The following CPPED1 variants were observed in gnomAD, a reference collection of about 807,000 sequenced individuals.
CPPED1 encodes serine/threonine-protein phosphatase CPPED1.
CPPED1 carries 28 observed loss-of-function variants against 28.0 expected under a neutral mutation model. That is an observed-to-expected ratio of 1.00 (90% CI 0.74 to 1.37). The LOEUF (loss-of-function observed/expected upper bound fraction) is 1.37, where lower values mean the gene tolerates loss of function less well. Among genes scored for constraint, CPPED1 ranks in the 40% most tolerant of loss-of-function variants. The pLI is 0.00. For missense variants in CPPED1, 504 were observed against 416.5 expected (o/e 1.21, Z -1.83); for synonymous variants, 198 against 180.2 (o/e 1.10, Z -0.79).
intron 3 of CPPED1, among the ~76,000 whole-genome samples, chr16:12,700,534 G>C (rs1182266946): frequency 6.6e-6 from 1 of 152,190 alleles, no homozygotes; most frequent in Non-Finnish European, 1.5e-5. Flanking sequence ...GGGATTACAG[G>C]TGGGCACCAC....
At chr16:12,743,298 A>T (rs1183344175) in intron 2 of CPPED1, among the ~76,000 whole-genome samples, 1 of 152,192 alleles carries the variant, frequency 6.6e-6, no homozygotes, top group African/African-American at 2.4e-5. Context: ...AAAAAAAATG[A>T]AATAAAATTG....
rs1318626465 is a variant in CPPED1, at chr16:12,670,630, T to C, written c.716-5515A>G. On this transcript the variant is annotated intron_variant, in intron 3 of 3. Coordinates refer to ENST00000381774, the MANE Select transcript of CPPED1 (RefSeq NM_018340.3). The surrounding 1 kb of genome is among the most constrained non-coding windows in gnomAD (Gnocchi z 4.2). ...TAGAAATGGCACTTCACCTCTGTGGTCTTCCTCTCCCAAATCCATCACCCC... is the reference window on the plus strand; with the variant it reads ...TAGAAATGGCACTTCACCTCTGTGGCCTTCCTCTCCCAAATCCATCACCCC... Among the ~76,000 whole-genome samples, 1 of 152,162 alleles carries C rather than the reference T, an allele frequency of 6.6e-6. No individual in the cohort carries two copies. Among genetic ancestry groups the C allele is most frequent in the Non-Finnish European group, 1.5e-5 (1 of 68,028 alleles).
chr16:12,708,087 C>T (rs1038524799), intron 2 of CPPED1, among the ~76,000 whole-genome samples: 5 of 152,110 alleles, frequency 3.3e-5, no homozygotes, highest in African/African-American at 1.2e-4. Flanking sequence ...GCAGAGGTTG[C>T]AGTGAGCTGA....
rs1225211999 is a variant in CPPED1, at chr16:12,720,787, T to C, written c.290-15738A>G. On this transcript the variant is annotated intron_variant, in intron 2 of 3. Transcript: ENST00000381774. The stretch of plus-strand genomic sequence containing the variant: ...GCCATCGTGCCCAGCCCAAACTGTT[T>C]TATTTTATACAAATTCTGTGCAAAG... Among the ~76,000 whole-genome samples, 3 of 152,388 alleles carry C rather than the reference T, an allele frequency of 2.0e-5. No individual in the cohort carries two copies. In the East Asian group the frequency reaches 5.8e-4, roughly 29 times the overall value.
chr16:12,701,092 C>T (rs1026083047), intron 3 of CPPED1, among the ~76,000 whole-genome samples: 2 of 151,334 alleles, frequency 1.3e-5, no homozygotes, highest in East Asian at 2.0e-4. Flanking sequence ...AGCCAGGCAT[C>T]GTGGCACTCC....
chr16:12,785,734 G>A (rs1254996277), intron 1 of CPPED1, among the ~76,000 whole-genome samples: 1 of 151,962 alleles, frequency 6.6e-6, no homozygotes, highest in Non-Finnish European at 1.5e-5. Context: ...ACACTCAGAT[G>A]AAAGTGACCT....
At chr16:12,769,427 G>A (rs2080457573) in intron 2 of CPPED1, among the ~76,000 whole-genome samples, 1 of 152,114 alleles carries the variant, frequency 6.6e-6, no homozygotes, top group Admixed American at 6.6e-5. Context: ...AAGACGCCGA[G>A]ACTTGGAATA....
intron 1 of CPPED1, among the ~76,000 whole-genome samples, chr16:12,782,267 A>T (rs1435947938): frequency 3.3e-5 from 5 of 152,192 alleles, no homozygotes; most frequent in African/African-American, 1.2e-4. Flanking sequence ...TTAAAAAATT[A>T]TTTGGCCACA....
At chr16:12,789,022 T>C (rs568445152) in intron 1 of CPPED1, among the ~76,000 whole-genome samples, 4 of 152,236 alleles carry the variant, frequency 2.6e-5, no homozygotes, top group Non-Finnish European at 4.4e-5. Flanking sequence ...ATGTGTGCTG[T>C]TGGGCCCAGG....
chr16:12,766,817 T>C (rs1169402878), intron 2 of CPPED1, among the ~76,000 whole-genome samples: 1 of 152,022 alleles, frequency 6.6e-6, no homozygotes, highest in Non-Finnish European at 1.5e-5. Context: ...GCACAGGAGG[T>C]AGGCTCTAGG....
In CPPED1 at chr16:12,740,775, G is replaced by C. The variant is rs189415351; in HGVS notation, c.290-35726C>G. 5.3e-3 allele frequency among the ~76,000 whole-genome samples: 803 copies of C among 152,306 alleles called. 7 individuals are homozygous for C. The highest frequency in any genetic ancestry group is 0.019 in the African/African-American group (776 of 41,568). On this transcript the variant is annotated intron_variant, in intron 2 of 3. Coordinates refer to ENST00000381774, the MANE Select transcript of CPPED1 (RefSeq NM_018340.3). ...TAGCAGAGTGAACAGCAGGTGCAAG[G>C]CCCTGTGGCAGGAAAGGAGAGCACA... is the stretch of plus-strand genomic sequence containing the variant.
Position 12,671,066 on chromosome 16 carries a change from G to A in CPPED1, c.716-5951C>T, listed in dbSNP as rs560420063. Among the ~76,000 whole-genome samples, 12 of 152,170 alleles carry A rather than the reference G, an allele frequency of 7.9e-5. No homozygotes were observed. In the South Asian group the frequency reaches 2.5e-3, roughly 32 times the overall value. On this transcript the variant is annotated intron_variant, in intron 3 of 3. Coordinates refer to ENST00000381774, the MANE Select transcript of CPPED1 (RefSeq NM_018340.3). Reference sequence around the variant, plus strand: ...GGGTTTCACCATGTTGGCCAGGCTGGTCTCAAACTCTTGACCTCAAGTGAT... The same window carrying A: ...GGGTTTCACCATGTTGGCCAGGCTGATCTCAAACTCTTGACCTCAAGTGAT...
At position 12,771,452 on chromosome 16, in the gene CPPED1, G is replaced by A. The variant is rs148693396; in HGVS notation, c.289+9733C>T. Reference sequence around the variant, plus strand: ...GCCTTGCACTGGGCACTAAATGAAAGTACACACCAATACGGACACACAGAC... The same window carrying A: ...GCCTTGCACTGGGCACTAAATGAAAATACACACCAATACGGACACACAGAC... On this transcript the variant is annotated intron_variant, in intron 2 of 3. Coordinates refer to ENST00000381774, the MANE Select transcript of CPPED1 (RefSeq NM_018340.3). 1.3e-3 allele frequency among the ~76,000 whole-genome samples: 199 copies of A among 152,304 alleles called. 3 individuals carry two copies. The highest frequency in any genetic ancestry group is 4.5e-3 in the African/African-American group (185 of 41,566).
chr16:12,704,721 G>T lies in CPPED1; in HGVS notation c.618C>A (p.Ile206=). The part of the protein sequence containing the change: ...HCQHAIVFQH[I]PLFLESIDED... ...CGTCGATGCTCTCCAGGAACAGCGG[G>T]ATGTGCTGGAAGACGATGGCATGCT... The change falls in exon 3 of 4, where the codon ATC becomes ATA. Residue 206 remains isoleucine, a synonymous_variant. Coordinates refer to ENST00000381774, the MANE Select transcript of CPPED1 (RefSeq NM_018340.3). The T allele has an allele frequency of 6.2e-7, 1 of 1,614,210 alleles. No homozygotes were observed. Among genetic ancestry groups the T allele is most frequent in the Non-Finnish European group, 8.5e-7 (1 of 1,180,038 alleles).
chr16:12,670,831 ATTTT>A lies in CPPED1; in HGVS notation c.716-5720_716-5717del, dbSNP rs1032318531. On this transcript the variant is annotated intron_variant, in intron 3 of 3. Coordinates refer to ENST00000381774, the MANE Select transcript of CPPED1 (RefSeq NM_018340.3). The surrounding 1 kb of genome is among the most constrained non-coding windows in gnomAD (Gnocchi z 4.2). ...AAATGTAAATGATCCATGTGTTTTT[ATTTT>A]TTTAATTATTTATTTATTTTTAATA... 6.6e-6 allele frequency among the ~76,000 whole-genome samples: 1 copy of A among 152,118 alleles called. No homozygotes were observed. The highest frequency in any genetic ancestry group is 1.5e-5 in the Non-Finnish European group (1 of 68,024).
At chr16:12,740,159 T>G (rs1343702082) in intron 2 of CPPED1, among the ~76,000 whole-genome samples, 1 of 152,088 alleles carries the variant, frequency 6.6e-6, no homozygotes, top group Non-Finnish European at 1.5e-5. Flanking sequence ...TTTAAGATAC[T>G]TTTTAGGCCG....
chr16:12,681,617 G>T (rs1408727610), intron 3 of CPPED1, among the ~76,000 whole-genome samples: 1 of 152,156 alleles, frequency 6.6e-6, no homozygotes, highest in Non-Finnish European at 1.5e-5. Flanking sequence ...GGGAGATGGG[G>T]ATGGCACAGA....
intron 2 of CPPED1, among the ~76,000 whole-genome samples, chr16:12,754,919 G>A (rs1187150577): frequency 2.0e-5 from 3 of 152,184 alleles, no homozygotes; most frequent in Non-Finnish European, 2.9e-5. Context: ...GCTGAGGTGG[G>A]AGGATGGCTT....
At chr16:12,789,736 A>G (rs986511182) in intron 1 of CPPED1, among the ~76,000 whole-genome samples, 10 of 152,136 alleles carry the variant, frequency 6.6e-5, no homozygotes, top group Non-Finnish European at 1.3e-4. Context: ...CATGTTGCCC[A>G]GGCTGGTCTA....
Sources: allele counts gnomAD v4.1 joint callset (sites outside exome capture counted in the v4.1 genomes callset), GRCh38; gene constraint gnomAD v4.1.1; non-coding constraint Gnocchi (gnomAD v3.1); transcripts MANE v1.5; gene names NCBI Gene and HGNC (gene_info 2026-07-23, HGNC 2026-07-21).